Variants in CDR2 observed in about 807,000 individuals in gnomAD.
The protein encoded by CDR2 is cerebellar degeneration related protein 2.
Under a neutral mutation model 48.4 loss-of-function variants are expected in CDR2, and 34 were observed. That is an observed-to-expected ratio of 0.70 (90% confidence interval 0.53 to 0.94). The LOEUF (loss-of-function observed/expected upper bound fraction) is 0.94, where lower values mean the gene tolerates loss of function less well. Among genes scored for constraint, CDR2 ranks in the 40% least tolerant of loss-of-function variants. The pLI is 0.00. For synonymous variants in CDR2, 240 were observed against 219.7 expected, an observed-to-expected ratio of 1.09 and a Z score of -0.82; for missense variants, 498 against 549.5, an observed-to-expected ratio of 0.91 and a Z score of 0.94.
At chr16:22,368,146 AAC>A (rs548681136) in intron 1 of CDR2, among the ~76,000 whole-genome samples, 325 of 152,346 alleles carry the variant, frequency 2.1e-3, no homozygotes, top group Non-Finnish European at 3.4e-3. Flanking sequence ...GTATTTACAA[AAC>A]ACAGAACTTT....
chr16:22,349,318 G>A lies in CDR2; in HGVS notation c.467C>T (p.Pro156Leu), dbSNP rs2048926616. 1 of 1,614,002 alleles carries A rather than the reference G, an allele frequency of 6.2e-7. No homozygotes were observed. Among genetic ancestry groups the A allele is most frequent in the African/African-American group, 1.3e-5 (1 of 74,896 alleles). Residue 156 changes from proline (P) to leucine (L), a missense_variant, in exon 4 of 5, where the codon CCC (proline) becomes CTC (leucine). Transcript: ENST00000268383. ...CAGCTCCTTCAGACATGCAAAGCTGGGTGCCGGTTTCTCCTGGTCACACTT... is the reference window on the plus strand; with the variant it reads ...CAGCTCCTTCAGACATGCAAAGCTGAGTGCCGGTTTCTCCTGGTCACACTT... ...PGKCDQEKPA[P>L]SFACLKELYD... is the part of the protein sequence containing the mutation.
chr16:22,366,317 T>TA (rs1421418172), intron 1 of CDR2, among the ~76,000 whole-genome samples: 2 of 152,010 alleles, frequency 1.3e-5, no homozygotes, highest in Non-Finnish European at 1.5e-5. Context: ...GAACTCACAT[T>TA]AAAAAAATAT....
Position 22,349,300 on chromosome 16 carries a change from T to C in CDR2, c.485A>G (p.Lys162Arg). Residue 162 changes from lysine to arginine, a missense_variant, in exon 4 of 5, where the codon AAG becomes AGG. By Grantham distance (26) the Lys-to-Arg change is conservative (BLOSUM62 2). Transcript: ENST00000268383. The part of the protein sequence containing the change: ...EKPAPSFACL[K>R]ELYDLRQHFV... Reference sequence around the variant, plus strand: ...TTACTGGCGGAGGTCATACAGCTCCTTCAGACATGCAAAGCTGGGTGCCGG... The same window carrying C: ...TTACTGGCGGAGGTCATACAGCTCCCTCAGACATGCAAAGCTGGGTGCCGG... The C allele has an allele frequency of 6.2e-7, 1 of 1,614,202 alleles. No homozygotes were observed. Among genetic ancestry groups the C allele is most frequent in the East Asian group, 2.2e-5 (1 of 44,892 alleles).
At chr16:22,365,204 T>C (rs937056380) in intron 1 of CDR2, 190 bp from the exon 2 acceptor site, 2 of 523,284 alleles carry the variant, frequency 3.8e-6, no homozygotes, top group African/African-American at 3.8e-5. Context: ...TGTATTCTCT[T>C]ATGTACCCAT....
At chr16:22,365,907 A>G (rs1382283123) in intron 1 of CDR2, among the ~76,000 whole-genome samples, 1 of 152,212 alleles carries the variant, frequency 6.6e-6, no homozygotes, top group Non-Finnish European at 1.5e-5. Context: ...TCTATCATTT[A>G]CCAGAACACT....
chr16:22,362,026 C>T (rs2049013844), intron 2 of CDR2, among the ~76,000 whole-genome samples: 1 of 151,492 alleles, frequency 6.6e-6, no homozygotes, highest in Admixed American at 6.6e-5. Context: ...CTCAGCCTCC[C>T]AAGTAGCTGG....
chr16:22,368,372 G>A (rs1386012806), intron 1 of CDR2, among the ~76,000 whole-genome samples: 2 of 152,026 alleles, frequency 1.3e-5, no homozygotes, highest in Non-Finnish European at 1.5e-5. Context: ...ACCACACCTG[G>A]CTAATTTTTG....
chr16:22,365,402 A>T (rs1014974466), intron 1 of CDR2, among the ~76,000 whole-genome samples: 1 of 152,200 alleles, frequency 6.6e-6, no homozygotes, highest in Non-Finnish European at 1.5e-5. Context: ...AAAAATCTTT[A>T]AAGTTCCCAT....
chr16:22,348,708 C>T (rs2048922713), intron 4 of CDR2, among the ~76,000 whole-genome samples: 1 of 152,198 alleles, frequency 6.6e-6, no homozygotes, highest in African/African-American at 2.4e-5. Flanking sequence ...TGAGACCCAC[C>T]AAATGAACCA....
At position 22,374,325 on chromosome 16, in the gene CDR2, T is replaced by C; in HGVS notation, c.-16A>G. On this transcript the variant is annotated 5_prime_UTR_variant, in exon 1 of 5. Transcript: ENST00000268383. ...CCGCCAGCATCTCGGCTGGGTCTTC[T>C]AGGGGCAGCGGCCCCCGCCGCCGTC... The C allele has an allele frequency of 2.5e-6, 4 of 1,569,278 alleles. No individual in the cohort carries two copies. The highest frequency in any genetic ancestry group is 2.6e-6 in the Non-Finnish European group (3 of 1,152,718).
intron 2 of CDR2, among the ~76,000 whole-genome samples, chr16:22,362,209 T>C (rs1221238804): frequency 6.6e-6 from 1 of 152,192 alleles, no homozygotes; most frequent in Non-Finnish European, 1.5e-5. Context: ...CTGAATTTTA[T>C]ACCTATTTAA....
At chr16:22,360,737 ATCTTTTTTTTTTTT>A (rs1278072085) in intron 2 of CDR2, among the ~76,000 whole-genome samples, 2 of 104,360 alleles carry the variant, frequency 1.9e-5, no homozygotes, top group African/African-American at 7.3e-5. Context: ...TAAAAAAATG[ATCTTTTTTTTTTTT>A]TTTTTTTTTT....
intron 2 of CDR2, among the ~76,000 whole-genome samples, chr16:22,358,572 C>T (rs180956748): frequency 2.6e-5 from 4 of 152,106 alleles, no homozygotes; most frequent in African/African-American, 9.7e-5. Flanking sequence ...TAGAAACAAA[C>T]GACCCCAAGT....
chr16:22,364,883 C>T lies in CDR2; in HGVS notation c.192+19G>A. The T allele has an allele frequency of 6.9e-7, 1 of 1,445,484 alleles. No homozygotes were observed. Among genetic ancestry groups the T allele is most frequent in the Non-Finnish European group, 9.7e-7 (1 of 1,026,720 alleles). 89.5% of individuals were successfully genotyped at this position (1,445,484 alleles called of 1,614,324 possible). A position where few individuals can be genotyped will look rare whatever the true frequency, so the allele number is the denominator to read the frequency against. ...ACATCGAAGTGTCAAAAGTGTAACT[C>T]TCCTGCCAAGTGAATTACCTCAATT... On this transcript the variant is annotated intron_variant, in intron 2 of 4. Transcript: ENST00000268383.
At chr16:22,357,972 T>C (rs1011148064) in intron 2 of CDR2, among the ~76,000 whole-genome samples, 1 of 152,236 alleles carries the variant, frequency 6.6e-6, no homozygotes, top group South Asian at 2.1e-4. Flanking sequence ...AATCTTATTA[T>C]ATAAAACCAA....
chr16:22,347,937 AT>A (rs1287577230), intron 4 of CDR2, 114 bp from the exon 5 acceptor site: 51 of 1,025,114 alleles, frequency 5.0e-5, no homozygotes, highest in Non-Finnish European at 6.0e-5. Flanking sequence ...ACAGTGACTA[AT>A]TTTTTTTTCT....
At chr16:22,371,794 G>GT (rs531028218) in intron 1 of CDR2, among the ~76,000 whole-genome samples, 240 of 152,162 alleles carry the variant, frequency 1.6e-3, no homozygotes, top group Admixed American at 2.8e-3. Context: ...CTGTGATAAC[G>GT]TAACAGCCCT....
At chr16:22,360,284 T>C (rs1414981828) in intron 2 of CDR2, among the ~76,000 whole-genome samples, 1 of 152,176 alleles carries the variant, frequency 6.6e-6, no homozygotes, top group African/African-American at 2.4e-5. Flanking sequence ...TCTAAGTTTT[T>C]CAAATTAGCA....
intron 1 of CDR2, among the ~76,000 whole-genome samples, chr16:22,371,134 G>A (rs1331840169): frequency 7.2e-5 from 11 of 151,914 alleles, no homozygotes; most frequent in South Asian, 2.1e-4. Flanking sequence ...TGGCTTGAAC[G>A]CGGGAGGCGG....
Sources: gnomAD v4.1 joint callset for allele counts (sites outside exome capture counted in the v4.1 genomes callset) on GRCh38, gnomAD v4.1.1 for gene constraint, MANE v1.5 for transcripts, NCBI Gene and HGNC (gene_info 2026-07-23, HGNC 2026-07-21) for gene names.